The following ZNF638 variants were observed in gnomAD, a reference collection of about 807,000 sequenced individuals.
The protein encoded by ZNF638 is zinc finger protein 638, also known as CTCL tumor antigen se33-1.
Under a neutral mutation model 195.6 loss-of-function variants are expected in ZNF638, and 46 were observed. The observed-to-expected ratio is 0.24, with a 90% CI of 0.19 to 0.30. The LOEUF (loss-of-function observed/expected upper bound fraction) is 0.30. Among genes scored for constraint, ZNF638 ranks in the 10% least tolerant of loss-of-function variants. The probability of loss-of-function intolerance (pLI) is 1.00; values close to 1 mark genes in which losing one functional copy is unlikely to be tolerated. For missense variants in ZNF638, 2,440 were observed against 2,325.3 expected (o/e 1.05, Z -1.01); for synonymous variants, 845 against 772.0 (o/e 1.09, Z -1.57).
At chr2:71,356,191 C>G (rs952832441) in intron 3 of ZNF638, among the ~76,000 whole-genome samples, 1 of 152,148 alleles carries the variant, frequency 6.6e-6, no homozygotes, top group Admixed American at 6.5e-5. Context: ...GACTTAGAAC[C>G]AGTTTTCAGA....
rs2080470049 is a variant in ZNF638 at position 71,423,301 on chromosome 2, G to A, written c.3787G>A (p.Ala1263Thr). The part of the protein sequence containing the change: ...GITQTMVEAV[A>T]EVEKNETVSE... ...TACACAGACTATGGTAGAAGCTGTA[G>A]CTGAAGTAGAAAAAAATGAAACTGT... Residue 1263 changes from alanine (A) to threonine (T), a missense_variant, in exon 22 of 28, where the codon GCT becomes ACT. By Grantham distance (58) the Ala-to-Thr change is moderately conservative. This residue lies in a region of ZNF638 where 1,883 missense variants were observed against 1,739.1 expected (regional missense o/e 1.08). Transcript: ENST00000264447. 6.2e-7 allele frequency: 1 copy of A among 1,613,804 alleles called. No homozygotes were observed. Among genetic ancestry groups the A allele is most frequent in the Admixed American group, 1.7e-5 (1 of 59,994 alleles).
intron 26 of ZNF638, among the ~76,000 whole-genome samples, 199 bp downstream of exon 26, chr2:71,431,627 G>A (rs1446181857): frequency 6.6e-6 from 1 of 152,140 alleles, no homozygotes; most frequent in African/African-American, 2.4e-5. Flanking sequence ...GGACGTGGTG[G>A]CGGGCGCCTG....
In ZNF638 at chr2:71,423,063, C is replaced by G. The variant is rs376994551; in HGVS notation, c.3549C>G (p.Ser1183=). Residue 1183 remains serine (S), a synonymous_variant, in exon 22 of 28, where the codon TCC becomes TCG. Transcript: ENST00000264447. ...AAGAAGAAATTCCTCTTGTAGCATCCGCTTCAGTCAGTATTGAACAATTCA... is the reference window on the plus strand; with the variant it reads ...AAGAAGAAATTCCTCTTGTAGCATCGGCTTCAGTCAGTATTGAACAATTCA... The part of the protein sequence containing the change: ...EVKEEIPLVA[S]ASVSIEQFTE... 1.2e-6 allele frequency: 2 copies of G among 1,614,080 alleles called. No individual in the cohort carries two copies. Among genetic ancestry groups the G allele is most frequent in the South Asian group, 2.2e-5 (2 of 91,088 alleles).
chr2:71,333,852 C>G (rs181931137), intron 1 of ZNF638, among the ~76,000 whole-genome samples: 187 of 152,294 alleles, frequency 1.2e-3, no homozygotes, highest in Non-Finnish European at 2.0e-3. Context: ...AGCTCGTATT[C>G]CTTGGCACAT....
At chr2:71,336,550 C>T (rs2078674369) in intron 1 of ZNF638, among the ~76,000 whole-genome samples, 1 of 152,146 alleles carries the variant, frequency 6.6e-6, no homozygotes, top group Non-Finnish European at 1.5e-5. Context: ...ACCTATTAAG[C>T]ATTTTGTTTA....
intron 3 of ZNF638, 70 bp from the exon 4 acceptor site, chr2:71,363,083 C>T (rs989015205): frequency 1.7e-5 from 18 of 1,087,866 alleles, no homozygotes; most frequent in Admixed American, 1.1e-4. Flanking sequence ...TGATATATTA[C>T]AGGTAAAGAT....
chr2:71,387,658 CTCTCA>C (rs966512587), intron 10 of ZNF638, among the ~76,000 whole-genome samples: 1 of 38,108 alleles, frequency 2.6e-5, no homozygotes, highest in African/African-American at 9.1e-5. Context: ...GAGCAAGACT[CTCTCA>C]AAAAAAAAAA....
At chr2:71,397,073 A>C (rs959431792) in intron 11 of ZNF638, among the ~76,000 whole-genome samples, 4 of 152,188 alleles carry the variant, frequency 2.6e-5, no homozygotes, top group Admixed American at 2.6e-4. Context: ...TAGAAGCAGT[A>C]ATTTGAGTGG....
intron 26 of ZNF638, among the ~76,000 whole-genome samples, chr2:71,432,499 C>G (rs2080686474): frequency 6.6e-6 from 1 of 152,168 alleles, no homozygotes; most frequent in Admixed American, 6.5e-5. Context: ...CTTCTCCCAG[C>G]CAGAGGTATA....
intron 10 of ZNF638, among the ~76,000 whole-genome samples, chr2:71,392,266 T>C (rs114068712): frequency 0.013 from 1,985 of 152,288 alleles, 18 homozygotes; most frequent in Non-Finnish European, 0.023. Flanking sequence ...ACAAAAGTAG[T>C]TCACTCCCTC....
At chr2:71,408,971 T>C (rs770543583) in intron 20 of ZNF638, among the ~76,000 whole-genome samples, 3 of 152,108 alleles carry the variant, frequency 2.0e-5, no homozygotes, top group African/African-American at 7.2e-5. Flanking sequence ...GAAAAAAATA[T>C]ATAAAAGTTT....
chr2:71,388,845 C>G, intron 10 of ZNF638: 2 of 674,870 alleles, frequency 3.0e-6, no homozygotes, highest in Non-Finnish European at 2.7e-6. Context: ...GAAACAACTG[C>G]TTAAAGCTAG....
Position 71,431,421 on chromosome 2 carries a change from C to A in ZNF638, c.5745C>A (p.Val1915=), listed in dbSNP as rs772096407. 22 of 1,612,876 alleles carry A rather than the reference C, an allele frequency of 1.4e-5. No homozygotes were observed. In the East Asian group the frequency reaches 4.7e-4, roughly 34 times the overall value. The change falls in exon 26 of 28, where the codon GTC becomes GTA. Residue 1915 remains valine (V), a synonymous_variant. Coordinates refer to ENST00000264447, the MANE Select transcript of ZNF638 (RefSeq NM_014497.5). ...SSSGKSVASD[V]PEELDFLVPK... ...CAGGCAAATCAGTGGCGTCTGATGT[C>A]CCTGAGGGTAAAGTTAAAATGACAT...
chr2:71,422,861 C>G lies in ZNF638; in HGVS notation c.3347C>G (p.Ala1116Gly). The G allele has an allele frequency of 6.2e-7, 1 of 1,613,970 alleles. No homozygotes were observed. Among genetic ancestry groups the G allele is most frequent in the South Asian group, 1.1e-5 (1 of 91,066 alleles). ...ATTGATGAAAGTGAGGTGCAAACAGCAACTGATAGTCCCTCTGTTAAACCT... is the reference window on the plus strand; with the variant it reads ...ATTGATGAAAGTGAGGTGCAAACAGGAACTGATAGTCCCTCTGTTAAACCT... ...SPIDESEVQT[A>G]TDSPSVKPNE... The change falls in exon 22 of 28, where the codon GCA becomes GGA. Residue 1116 changes from alanine to glycine, a missense_variant. Coordinates refer to ENST00000264447, the MANE Select transcript of ZNF638 (RefSeq NM_014497.5).
intron 1 of ZNF638, among the ~76,000 whole-genome samples, chr2:71,337,294 T>G (rs1224754923): frequency 2.0e-5 from 3 of 152,226 alleles, no homozygotes; most frequent in Non-Finnish European, 4.4e-5. Flanking sequence ...TCCCGAAAAG[T>G]TTGACATTAA....
intron 10 of ZNF638, among the ~76,000 whole-genome samples, chr2:71,394,813 G>C: frequency 6.6e-6 from 1 of 152,066 alleles, no homozygotes; most frequent in East Asian, 1.9e-4. Context: ...AACTTGGCCA[G>C]AAATGTGTCT....
intron 2 of ZNF638, among the ~76,000 whole-genome samples, chr2:71,355,154 G>C (rs12986698): frequency 0.74 from 112,983 of 151,948 alleles, 42,567 homozygotes; most frequent in Admixed American, 0.77. Flanking sequence ...ATTTTTAGTA[G>C]AGACAGGGTT....
intron 1 of ZNF638, among the ~76,000 whole-genome samples, chr2:71,344,325 C>T (rs2078815839): frequency 6.6e-6 from 1 of 152,184 alleles, no homozygotes; most frequent in Non-Finnish European, 1.5e-5. Flanking sequence ...GCTGAAAATA[C>T]AGATGTACTA....
chr2:71,339,394 G>A (rs965112738), intron 1 of ZNF638, among the ~76,000 whole-genome samples: 2 of 152,028 alleles, frequency 1.3e-5, no homozygotes, highest in Admixed American at 6.6e-5. Flanking sequence ...CTGGTGATCC[G>A]CCCTCCTCAG....
Sources: gnomAD v4.1 joint callset for allele counts (sites outside exome capture counted in the v4.1 genomes callset) on GRCh38, gnomAD v4.1.1 for gene constraint, gnomAD v4.1.1 regional missense constraint, MANE v1.5 for transcripts, NCBI Gene and HGNC (gene_info 2026-07-23, HGNC 2026-07-21) for gene names.